The following GALM variants were observed in gnomAD, a reference collection of about 807,000 sequenced individuals.
The protein encoded by GALM is galactose mutarotase.
Under a neutral mutation model 37.4 loss-of-function variants are expected in GALM, and 43 were observed. The ratio of observed to expected loss-of-function variants is 1.15; its 90% CI spans 0.90 to 1.48. GALM has a LOEUF of 1.48. GALM is among the 40% of genes most tolerant of loss of function. The pLI, the probability that GALM is intolerant of heterozygous loss-of-function variation, is 0.00. For synonymous variants in GALM, 199 were observed against 170.6 expected (o/e 1.17, Z -1.30); for missense variants, 456 against 419.1 (o/e 1.09, Z -0.77).
chr2:38,670,117 G>C (rs1347833094), intron 1 of GALM, among the ~76,000 whole-genome samples: 3 of 152,008 alleles, frequency 2.0e-5, no homozygotes, highest in African/African-American at 7.2e-5. Flanking sequence ...ACCTACCTCA[G>C]CCTCCTAAAG....
chr2:38,667,756 G>C (rs1159124702), intron 1 of GALM, among the ~76,000 whole-genome samples: 1 of 151,928 alleles, frequency 6.6e-6, no homozygotes, highest in Non-Finnish European at 1.5e-5. Flanking sequence ...AGAATCACTT[G>C]AATCTGGGAG....
chr2:38,686,277 T>TTTCTTTCTCTCTTTCTC (rs1558582155), intron 3 of GALM, among the ~76,000 whole-genome samples: 23 of 112,428 alleles, frequency 2.0e-4, no homozygotes, highest in Non-Finnish European at 2.9e-4. Context: ...TCTTTCTTTC[T>TTTCTTTCTCTCTTTCTC]TATTTTGAGA....
chr2:38,729,426 C>A, intron 4 of GALM, 130 bp from the exon 5 acceptor site: 1 of 559,924 alleles, frequency 1.8e-6, no homozygotes, highest in East Asian at 3.5e-5. Flanking sequence ...TTCCCAGGAT[C>A]TGGGCTCCCA....
intron 4 of GALM, among the ~76,000 whole-genome samples, chr2:38,718,803 G>A (rs1284067054): frequency 2.6e-5 from 4 of 151,804 alleles, no homozygotes; most frequent in African/African-American, 4.8e-5. Context: ...CATCATTACC[G>A]TCTGTTCCTC....
chr2:38,726,373 C>T (rs1456017059), intron 4 of GALM, among the ~76,000 whole-genome samples: 2 of 150,992 alleles, frequency 1.3e-5, no homozygotes, highest in African/African-American at 4.9e-5. Context: ...ACTACAGGCG[C>T]CCGCCACTAC....
intron 1 of GALM, among the ~76,000 whole-genome samples, chr2:38,672,825 G>A (rs369997743): frequency 9.0e-4 from 136 of 151,778 alleles, no homozygotes; most frequent in African/African-American, 3.0e-3. Flanking sequence ...TGGCCAACAT[G>A]GTGAAAACCC....
chr2:38,725,647 C>A (rs1405796587), intron 4 of GALM, among the ~76,000 whole-genome samples: 1 of 152,036 alleles, frequency 6.6e-6, no homozygotes, highest in Non-Finnish European at 1.5e-5. Flanking sequence ...CATAGCAGGA[C>A]CCTGTCTTTA....
chr2:38,729,553 CAGG>C lies in GALM; in HGVS notation c.635_637del (p.Gly212del), dbSNP rs1340618913. 5 of 1,612,410 alleles carry C rather than the reference CAGG, an allele frequency of 3.1e-6. No individual in the cohort carries two copies. Among genetic ancestry groups the C allele is most frequent in the Non-Finnish European group, 4.2e-6 (5 of 1,179,218 alleles). On this transcript the variant is annotated splice_acceptor_variant and coding_sequence_variant, in exon 5 of 7. Transcript: ENST00000272252. LOFTEE classifies it high-confidence loss of function. ...ACCTTTGTTTTCTGTCTCTTCCCAT[CAGG>C]AGAAGTTGCCCCAGTGCAAGGCACT...
intron 5 of GALM, among the ~76,000 whole-genome samples, chr2:38,731,017 G>C (rs1462861990): frequency 6.6e-6 from 1 of 151,882 alleles, no homozygotes; most frequent in African/African-American, 2.4e-5. Flanking sequence ...CCTGAGGTCA[G>C]TAGTTCAAGA....
chr2:38,703,863 C>A (rs1665980610), intron 4 of GALM, among the ~76,000 whole-genome samples: 3 of 151,748 alleles, frequency 2.0e-5, no homozygotes, highest in Admixed American at 2.0e-4. Context: ...AATACAAAAA[C>A]AATCAGCTGG....
chr2:38,676,642 A>G (rs1246614407), intron 2 of GALM, among the ~76,000 whole-genome samples: 1 of 152,186 alleles, frequency 6.6e-6, no homozygotes, highest in South Asian at 2.1e-4. Flanking sequence ...GGCCACCTGT[A>G]ATCCCAGCTA....
At chr2:38,726,845 G>A (rs1275195164) in intron 4 of GALM, among the ~76,000 whole-genome samples, 1 of 151,528 alleles carries the variant, frequency 6.6e-6, no homozygotes, top group Non-Finnish European at 1.5e-5. Flanking sequence ...GTGGTGAGCC[G>A]AGATCACGCC....
In GALM at chr2:38,733,618, T is replaced by C; in HGVS notation, c.*53T>C. ...GGGCTAGGCTCAGCCACCTGTCTCC[T>C]GTCCAGAAAAAAGGTGAAGATTAAG... is the stretch of plus-strand genomic sequence containing the variant. On this transcript the variant is annotated 3_prime_UTR_variant, in exon 7 of 7. Coordinates refer to ENST00000272252, the MANE Select transcript of GALM (RefSeq NM_138801.3). The C allele has an allele frequency of 7.7e-7, 1 of 1,299,432 alleles. No individual in the cohort carries two copies. The highest frequency in any genetic ancestry group is 1.7e-5 in the Admixed American group (1 of 59,500). 80.5% of individuals were successfully genotyped at this position (1,299,432 alleles called of 1,614,324 possible).
intron 4 of GALM, among the ~76,000 whole-genome samples, chr2:38,691,875 T>C (rs1665681998): frequency 6.6e-6 from 1 of 152,146 alleles, no homozygotes; most frequent in South Asian, 2.1e-4. Context: ...TTTTAAAAAA[T>C]AATATGGTAC....
At chr2:38,731,573 G>A (rs1308201144) in intron 5 of GALM, among the ~76,000 whole-genome samples, 162 bp from the exon 6 acceptor site, 1 of 152,020 alleles carries the variant, frequency 6.6e-6, no homozygotes, top group African/African-American at 2.4e-5. Flanking sequence ...CTTTGAGACT[G>A]GAAGAATTTT....
chr2:38,677,381 A>G (rs1186631941), intron 2 of GALM, among the ~76,000 whole-genome samples: 2 of 152,186 alleles, frequency 1.3e-5, no homozygotes, highest in African/African-American at 2.4e-5. Context: ...CCCCGCCTCC[A>G]TGAGCTTCCT....
Position 38,734,649 on chromosome 2 carries a change from G to C in GALM, c.*1084G>C, listed in dbSNP as rs1467529676. 16 of 138,982 alleles carry C rather than the reference G, an allele frequency of 1.2e-4. No individual in the cohort carries two copies. The highest frequency in any genetic ancestry group is 4.4e-4 in the African/African-American group (16 of 36,402). 8.6% of individuals were successfully genotyped at this position (138,982 alleles called of 1,614,324 possible). ...CAAGGCTGGGGCTCCTTCTTTCCTAGACAATCAAAGTATCAGTGATGGGTT... is the reference window on the plus strand; with the variant it reads ...CAAGGCTGGGGCTCCTTCTTTCCTACACAATCAAAGTATCAGTGATGGGTT... On this transcript the variant is annotated 3_prime_UTR_variant, in exon 7 of 7. Transcript: ENST00000272252.
intron 4 of GALM, among the ~76,000 whole-genome samples, chr2:38,697,475 A>G (rs1406019185): frequency 6.6e-6 from 1 of 152,156 alleles, no homozygotes; most frequent in Non-Finnish European, 1.5e-5. Context: ...TTTTCTCTTT[A>G]TAAAAGTTTT....
At chr2:38,723,143 G>C (rs1444568375) in intron 4 of GALM, among the ~76,000 whole-genome samples, 2 of 152,136 alleles carry the variant, frequency 1.3e-5, no homozygotes, top group Non-Finnish European at 2.9e-5. Flanking sequence ...CACAATTCTT[G>C]CCCTTTAGGA....
Sources: allele counts gnomAD v4.1 joint callset (sites outside exome capture counted in the v4.1 genomes callset), GRCh38; gene constraint gnomAD v4.1.1; transcripts MANE v1.5; gene names NCBI Gene and HGNC (gene_info 2026-07-23, HGNC 2026-07-21).